The following MAF variants were observed in gnomAD, a reference collection of about 807,000 sequenced individuals.
MAF encodes MAF bZIP transcription factor, also known as transcription factor Maf.
MAF carries 10 observed loss-of-function variants against 22.0 expected under a neutral mutation model. The observed-to-expected ratio is 0.45, with a 90% CI of 0.28 to 0.77. The LOEUF (loss-of-function observed/expected upper bound fraction) is 0.77, where lower values mean the gene tolerates loss of function less well. MAF is among the 30% of genes least tolerant of loss of function. MAF has a pLI of 0.12. For missense variants in MAF, 544 were observed against 548.4 expected (o/e 0.99, Z 0.08); for synonymous variants, 337 against 255.8 (o/e 1.32, Z -3.03).
chr16:79,562,488 T>G, the MAF span, among the ~76,000 whole-genome samples: 1 of 152,158 alleles, frequency 6.6e-6, no homozygotes, highest in Non-Finnish European at 1.5e-5. Flanking sequence ...AAAAATACAT[T>G]TTGTAGGCTT....
At chr16:79,359,780 C>T in the MAF span, among the ~76,000 whole-genome samples, 26 of 152,210 alleles carry the variant, frequency 1.7e-4, 1 homozygote, top group African/African-American at 6.3e-4. Context: ...CATCTTTCAT[C>T]TTAAAAGAGA....
At chr16:79,450,178 A>G in the MAF span, among the ~76,000 whole-genome samples, 2 of 152,238 alleles carry the variant, frequency 1.3e-5, no homozygotes, top group African/African-American at 4.8e-5. Flanking sequence ...TAACGAGTAA[A>G]GTGTTGTTTA....
chr16:79,452,013 C>T, the MAF span, among the ~76,000 whole-genome samples: 1 of 152,074 alleles, frequency 6.6e-6, no homozygotes, highest in Non-Finnish European at 1.5e-5. Context: ...GGGGCCAAAT[C>T]CCATCCCTCG....
At chr16:79,453,171 G>T in the MAF span, among the ~76,000 whole-genome samples, 1 of 152,076 alleles carries the variant, frequency 6.6e-6, no homozygotes, top group Non-Finnish European at 1.5e-5. Flanking sequence ...GTGAGTAAGT[G>T]GTACCTACAA....
chr16:79,447,314 T>C, the MAF span, among the ~76,000 whole-genome samples: 2 of 148,976 alleles, frequency 1.3e-5, no homozygotes, highest in Non-Finnish European at 3.0e-5. Context: ...TTAATCCCAC[T>C]GTTAAGACCT....
the MAF span, among the ~76,000 whole-genome samples, chr16:79,574,511 T>G: frequency 6.6e-6 from 1 of 152,014 alleles, no homozygotes; most frequent in Non-Finnish European, 1.5e-5. Flanking sequence ...CGTCTATGCA[T>G]CTCTCTTAGT....
chr16:79,404,060 G>A, the MAF span, among the ~76,000 whole-genome samples: 4 of 151,954 alleles, frequency 2.6e-5, no homozygotes, highest in African/African-American at 9.7e-5. Context: ...GAAACCCTGT[G>A]AAACACTTTC....
At chr16:79,232,153 T>A in the MAF span, among the ~76,000 whole-genome samples, 3 of 152,026 alleles carry the variant, frequency 2.0e-5, no homozygotes, top group Non-Finnish European at 2.9e-5. Flanking sequence ...GCATTCCAGT[T>A]CCTAACAGGC....
chr16:79,393,230 G>A, the MAF span, among the ~76,000 whole-genome samples: 1 of 152,172 alleles, frequency 6.6e-6, no homozygotes, highest in Non-Finnish European at 1.5e-5. Flanking sequence ...ACAAACAAAG[G>A]CTTCCACAAT....
the MAF span, among the ~76,000 whole-genome samples, chr16:79,409,154 A>T: frequency 8.6e-3 from 1,311 of 152,268 alleles, 20 homozygotes; most frequent in African/African-American, 0.03. Flanking sequence ...CAACCTGAAC[A>T]GAAACTCTTT....
the MAF span, among the ~76,000 whole-genome samples, chr16:79,325,153 C>G: frequency 6.6e-6 from 1 of 152,172 alleles, no homozygotes; most frequent in Non-Finnish European, 1.5e-5. Context: ...AATAAGGTCA[C>G]TTTCACAGGT....
At chr16:79,379,341 C>T in the MAF span, among the ~76,000 whole-genome samples, 1 of 152,172 alleles carries the variant, frequency 6.6e-6, no homozygotes, top group African/African-American at 2.4e-5. Flanking sequence ...TGTGTCAGCC[C>T]TCTCCCAGAG....
At chr16:79,486,437 TG>T in the MAF span, among the ~76,000 whole-genome samples, 1 of 152,168 alleles carries the variant, frequency 6.6e-6, no homozygotes, top group Non-Finnish European at 1.5e-5. Flanking sequence ...ATGTAAGCCA[TG>T]TGTTTTTCAC....
the MAF span, among the ~76,000 whole-genome samples, chr16:79,331,497 C>T: frequency 1.3e-5 from 2 of 152,102 alleles, no homozygotes; most frequent in African/African-American, 4.8e-5. Flanking sequence ...ACTTGGTTTC[C>T]TCATCTGTAA....
the MAF span, among the ~76,000 whole-genome samples, chr16:79,216,327 T>C: frequency 1.3e-5 from 2 of 152,244 alleles, no homozygotes; most frequent in Non-Finnish European, 2.9e-5. Flanking sequence ...GTGGCACATG[T>C]GCATATGCAC....
the MAF span, among the ~76,000 whole-genome samples, chr16:79,573,621 T>C: frequency 6.6e-6 from 1 of 152,222 alleles, no homozygotes; most frequent in Non-Finnish European, 1.5e-5. Context: ...TTCTACTGTA[T>C]AGGTAATACA....
At chr16:79,452,980 T>C in the MAF span, among the ~76,000 whole-genome samples, 1 of 152,212 alleles carries the variant, frequency 6.6e-6, no homozygotes, top group Non-Finnish European at 1.5e-5. Flanking sequence ...TGGAGGTTTA[T>C]CTGTTACTTT....
At chr16:79,594,892 A>G in intron 1 of MAF, 1 of 1,204,544 alleles carries the variant, frequency 8.3e-7, no homozygotes, top group East Asian at 3.8e-5. Context: ...AAACCTGCTT[A>G]TTATATTCAA....
At chr16:79,412,308 AG>A in the MAF span, among the ~76,000 whole-genome samples, 3 of 152,172 alleles carry the variant, frequency 2.0e-5, no homozygotes, top group Admixed American at 2.0e-4. Flanking sequence ...CCGTGGTACC[AG>A]GTATGTGCAG....
Sources: allele counts gnomAD v4.1 joint callset (sites outside exome capture counted in the v4.1 genomes callset), GRCh38; gene constraint gnomAD v4.1.1; transcripts MANE v1.5; gene names NCBI Gene and HGNC (gene_info 2026-07-23, HGNC 2026-07-21).